WDR44: variants seen among roughly 807,000 people sequenced by gnomAD.
WDR44 encodes WD repeat domain 44, also known as WD repeat-containing protein 44.
Under a neutral mutation model 65.7 loss-of-function variants are expected in WDR44, and 9 were observed. That is an observed-to-expected ratio of 0.14 (90% confidence interval 0.08 to 0.24). WDR44 has a LOEUF of 0.24. WDR44 is among the 10% of genes least tolerant of loss of function. The probability of loss-of-function intolerance (pLI) is 1.00; values close to 1 mark genes in which losing one functional copy is unlikely to be tolerated. For missense variants in WDR44, 425 were observed against 670.9 expected (o/e 0.63, Z 4.05); for synonymous variants, 220 against 235.2 (o/e 0.94, Z 0.59).
intron 2 of WDR44, among the ~76,000 whole-genome samples, chrX:118,379,694 A>G (rs2056697193): frequency 8.9e-6 from 1 of 111,812 alleles, no homozygotes; most frequent in Non-Finnish European, 1.9e-5. Flanking sequence ...AAGGATACAC[A>G]AGAGACTTGA....
At chrX:118,365,128 A>T (rs2056542022) in intron 1 of WDR44, among the ~76,000 whole-genome samples, 1 of 111,822 alleles carries the variant, frequency 8.9e-6, no homozygotes, top group South Asian at 3.7e-4. Context: ...AAGAGAACTT[A>T]CCATTCCCCT....
chrX:118,413,990 T>G (rs2057033178), intron 12 of WDR44, among the ~76,000 whole-genome samples: 1 of 111,445 alleles, frequency 9.0e-6, no homozygotes, highest in Admixed American at 9.6e-5. Context: ...ATCAGTTGGC[T>G]GTAAATATTT....
At chrX:118,376,545 C>A (rs1242941643) in intron 1 of WDR44, among the ~76,000 whole-genome samples, 1 of 107,566 alleles carries the variant, frequency 9.3e-6, no homozygotes, top group East Asian at 2.9e-4. Flanking sequence ...TGGATTTTAC[C>A]AAAAAAAAAT....
At position 118,441,224 on chromosome X, in the gene WDR44, G is replaced by T. The variant is rs1362152625; in HGVS notation, c.1975-144G>T. 1.8e-5 allele frequency: 9 copies of T among 499,874 alleles called. No homozygotes were observed. The East Asian group carries it at 3.3e-4, about 18-fold the overall frequency. 41.2% of individuals were successfully genotyped at this position (499,874 alleles called of 1,213,427 possible). ...CCACTGCCTTGGCCTCCCCCAAAGT[G>T]CTAGGATTATAGGCGTGAGCCACCG... On this transcript the variant is annotated intron_variant, in intron 14 of 19. Transcript: ENST00000254029.
intron 2 of WDR44, among the ~76,000 whole-genome samples, chrX:118,385,092 T>A (rs1602900665): frequency 8.9e-6 from 1 of 111,974 alleles, no homozygotes; most frequent in East Asian, 2.8e-4. Flanking sequence ...TATCTAGATA[T>A]AAGATCATGT....
At chrX:118,398,574 A>G (rs192208076) in intron 8 of WDR44, 104 bp downstream of exon 8, 2 of 633,061 alleles carry the variant, frequency 3.2e-6, no homozygotes, top group Non-Finnish European at 4.9e-6. Context: ...TTTTATGTCT[A>G]CCCACCACCA....
At position 118,370,027 on chromosome X, in the gene WDR44, A is replaced by G. The variant is rs1048673810; in HGVS notation, c.78-8392A>G. Among the ~76,000 whole-genome samples the G allele has an allele frequency of 2.7e-5, 3 of 111,994 alleles. No homozygotes were observed. The Admixed American group carries it at 2.9e-4, about 11-fold the overall frequency. ...AAATTCATTGGCAGCATTGATAGAC[A>G]CTGTCTTCAATTTCAGAAACTATGC... On this transcript the variant is annotated intron_variant, in intron 1 of 19. Coordinates refer to ENST00000254029, the MANE Select transcript of WDR44 (RefSeq NM_019045.5).
At chrX:118,434,157 C>G (rs1213994401) in intron 13 of WDR44, among the ~76,000 whole-genome samples, 2 of 112,011 alleles carry the variant, frequency 1.8e-5, no homozygotes. Flanking sequence ...TTTATACTTT[C>G]CGTTTTATAC....
At chrX:118,375,109 T>A (rs1165958034) in intron 1 of WDR44, among the ~76,000 whole-genome samples, 2 of 111,714 alleles carry the variant, frequency 1.8e-5, no homozygotes, top group East Asian at 5.6e-4. Context: ...TTTGATCCTA[T>A]GAATCAACAG....
chrX:118,361,985 T>G (rs1443818588), intron 1 of WDR44, among the ~76,000 whole-genome samples: 1 of 112,097 alleles, frequency 8.9e-6, no homozygotes, highest in African/African-American at 3.2e-5. Flanking sequence ...TTTCAAAATA[T>G]GAGTTTTGCA....
intron 1 of WDR44, among the ~76,000 whole-genome samples, chrX:118,376,601 C>T (rs868289967): frequency 1.4e-4 from 16 of 111,476 alleles, no homozygotes; most frequent in African/African-American, 4.9e-4. Context: ...TTGCATAACC[C>T]CAAGGTATAA....
At chrX:118,358,172 A>C (rs1222941952) in intron 1 of WDR44, among the ~76,000 whole-genome samples, 5 of 112,334 alleles carry the variant, frequency 4.5e-5, no homozygotes, top group African/African-American at 1.6e-4. Context: ...CCTTTAGATT[A>C]ATTCATTTTA....
intron 2 of WDR44, among the ~76,000 whole-genome samples, chrX:118,385,955 T>C (rs745944817): frequency 1.8e-5 from 2 of 111,480 alleles, no homozygotes; most frequent in East Asian, 5.6e-4. Flanking sequence ...TTTTTTTTTT[T>C]CTAGAAGAAT....
chrX:118,387,871 A>G (rs893885614), intron 3 of WDR44, among the ~76,000 whole-genome samples: 1 of 111,991 alleles, frequency 8.9e-6, no homozygotes, highest in Non-Finnish European at 1.9e-5. Context: ...CAAGATCAGT[A>G]TTTTGAAAAT....
intron 6 of WDR44, 22 bp from the exon 7 acceptor site, chrX:118,396,948 T>G: frequency 5.2e-6 from 6 of 1,149,016 alleles, no homozygotes; most frequent in Non-Finnish European, 6.9e-6. Flanking sequence ...TTGGTGTGAT[T>G]GTTTTTTTTT....
At chrX:118,376,558 G>T (rs1465010591) in intron 1 of WDR44, among the ~76,000 whole-genome samples, 1 of 111,292 alleles carries the variant, frequency 9.0e-6, no homozygotes, top group East Asian at 2.8e-4. Context: ...AAAAAAATTA[G>T]AAATGGCATA....
chrX:118,406,844 T>A (rs983607089), intron 9 of WDR44, 31 bp from the exon 10 acceptor site: 9 of 1,159,286 alleles, frequency 7.8e-6, no homozygotes, highest in Non-Finnish European at 8.1e-6. Flanking sequence ...CTACATTAGC[T>A]AGTAGTGATT....
intron 10 of WDR44, among the ~76,000 whole-genome samples, chrX:118,408,471 C>T (rs1172297070): frequency 9.1e-6 from 1 of 110,058 alleles, no homozygotes; most frequent in Non-Finnish European, 1.9e-5. Context: ...GATCTCAGCT[C>T]ACTGAAGCCT....
intron 12 of WDR44, among the ~76,000 whole-genome samples, chrX:118,420,852 A>C (rs780753251): frequency 4.7e-4 from 53 of 112,693 alleles, no homozygotes; most frequent in African/African-American, 1.5e-3. Context: ...CTAATAGTAC[A>C]TCATAGGTAC....
Sources: gnomAD v4.1 joint callset for allele counts (sites outside exome capture counted in the v4.1 genomes callset) on GRCh38, gnomAD v4.1.1 for gene constraint, MANE v1.5 for transcripts, NCBI Gene and HGNC (gene_info 2026-07-23, HGNC 2026-07-21) for gene names.